Variants in TENM4 observed in about 807,000 individuals in gnomAD.
The protein encoded by TENM4 is teneurin-4.
A neutral mutation model predicts 243.3 loss-of-function variants in TENM4; 82 were observed. The observed-to-expected ratio is 0.34, with a 90% CI of 0.28 to 0.40. The LOEUF is 0.40. TENM4 is among the 10% of genes least tolerant of loss of function. The probability of loss-of-function intolerance (pLI) is 1.00; values close to 1 mark genes in which losing one functional copy is unlikely to be tolerated. For synonymous variants in TENM4, 1,412 were observed against 1,456.3 expected, an observed-to-expected ratio of 0.97 and a Z score of 0.69; for missense variants, 3,138 against 3,673.3, an observed-to-expected ratio of 0.85 and a Z score of 3.77.
intron 4 of TENM4, among the ~76,000 whole-genome samples, chr11:79,092,065 A>T (rs570301345): frequency 6.6e-6 from 1 of 151,890 alleles, no homozygotes; most frequent in Admixed American, 6.6e-5. Context: ...CAATTTGTCT[A>T]TTATTTAGGT....
chr11:79,242,375 G>GA (rs1217054039), intron 2 of TENM4, among the ~76,000 whole-genome samples: 1 of 151,230 alleles, frequency 6.6e-6, no homozygotes, highest in Non-Finnish European at 1.5e-5. Flanking sequence ...TCCAAATATA[G>GA]AAAAAAATAA....
chr11:78,981,804 G>C (rs1314201595), intron 6 of TENM4, among the ~76,000 whole-genome samples: 2 of 152,162 alleles, frequency 1.3e-5, no homozygotes, highest in African/African-American at 4.8e-5. Context: ...TGTAGACAGA[G>C]TCTTCATAAA....
intron 6 of TENM4, among the ~76,000 whole-genome samples, chr11:79,058,387 C>CA (rs981467795): frequency 4.0e-5 from 6 of 151,274 alleles, no homozygotes; most frequent in Non-Finnish European, 7.4e-5. Flanking sequence ...ACTAAAAATA[C>CA]AAAAAAAATT....
intron 2 of TENM4, among the ~76,000 whole-genome samples, chr11:79,230,756 T>C (rs1302908679): frequency 3.3e-5 from 5 of 152,192 alleles, no homozygotes; most frequent in African/African-American, 1.2e-4. Flanking sequence ...CCAATGACAA[T>C]GGAGACAGGC....
intron 4 of TENM4, among the ~76,000 whole-genome samples, chr11:79,106,759 G>A (rs1861379456): frequency 1.3e-5 from 2 of 152,256 alleles, no homozygotes; most frequent in Admixed American, 1.3e-4. Flanking sequence ...GATGGGACAA[G>A]AACTCATCTG....
chr11:78,858,053 GGATTT>G (rs534804708), intron 10 of TENM4, among the ~76,000 whole-genome samples: 297 of 152,316 alleles, frequency 1.9e-3, no homozygotes, highest in African/African-American at 6.7e-3. Context: ...TGAGCTGATG[GGATTT>G]GAGAATTGTC....
At chr11:79,430,153 T>C (rs897905823) in intron 1 of TENM4, among the ~76,000 whole-genome samples, 13 of 149,802 alleles carry the variant, frequency 8.7e-5, no homozygotes, top group South Asian at 2.1e-4. Context: ...GCTACTTTTT[T>C]AGTTAGGCAT....
chr11:79,055,622 GT>G (rs1459493019), intron 6 of TENM4, among the ~76,000 whole-genome samples: 1 of 152,188 alleles, frequency 6.6e-6, no homozygotes, highest in African/African-American at 2.4e-5. Context: ...TGAAAACACT[GT>G]CCTGCTCTTT....
intron 3 of TENM4, among the ~76,000 whole-genome samples, chr11:79,162,131 G>A (rs1862759499): frequency 6.6e-6 from 1 of 152,192 alleles, no homozygotes; most frequent in Non-Finnish European, 1.5e-5. Flanking sequence ...CGAAGTGTTA[G>A]CAAGACCCTG....
In TENM4 at chr11:79,167,600, A is replaced by G. The variant is rs368853421; in HGVS notation, c.-162-18794T>C. Among the ~76,000 whole-genome samples the G allele has an allele frequency of 6.6e-4, 101 of 152,308 alleles. 4 individuals are homozygous for G. In the South Asian group the frequency reaches 0.02, roughly 30 times the overall value. On this transcript the variant is annotated intron_variant, in intron 3 of 33. Coordinates refer to ENST00000278550, the MANE Select transcript of TENM4 (RefSeq NM_001098816.3). Reference sequence around the variant, plus strand: ...TGCCTCCTGGGTCTTGCTGCTGATCACCACATTCTCGTGTATTTAGAAAGG... The same window carrying G: ...TGCCTCCTGGGTCTTGCTGCTGATCGCCACATTCTCGTGTATTTAGAAAGG...
intron 6 of TENM4, among the ~76,000 whole-genome samples, chr11:79,002,316 C>T (rs1423011577): frequency 6.6e-6 from 1 of 152,234 alleles, no homozygotes; most frequent in Non-Finnish European, 1.5e-5. Context: ...CATGGGTACC[C>T]TGCCATGCTG....
At chr11:79,020,101 A>G (rs1444184287) in intron 6 of TENM4, among the ~76,000 whole-genome samples, 1 of 152,204 alleles carries the variant, frequency 6.6e-6, no homozygotes, top group Non-Finnish European at 1.5e-5. Context: ...TGTTAAATAG[A>G]ACAGATCAAC....
chr11:79,054,243 A>G (rs1214341100), intron 6 of TENM4, among the ~76,000 whole-genome samples: 1 of 152,152 alleles, frequency 6.6e-6, no homozygotes, highest in Non-Finnish European at 1.5e-5. Context: ...GGTTCTACAA[A>G]TTAGGGATTC....
intron 4 of TENM4, among the ~76,000 whole-genome samples, chr11:79,104,877 C>G (rs1861325791): frequency 6.6e-6 from 1 of 152,202 alleles, no homozygotes; most frequent in Admixed American, 6.5e-5. Flanking sequence ...ATCTCCATCC[C>G]TTGGGCAAAT....
At chr11:79,121,719 C>T (rs1192882350) in intron 4 of TENM4, among the ~76,000 whole-genome samples, 5 of 152,118 alleles carry the variant, frequency 3.3e-5, no homozygotes, top group Admixed American at 6.6e-5. Context: ...AGGAACCCAT[C>T]GTTTGCTGGA....
intron 6 of TENM4, among the ~76,000 whole-genome samples, chr11:79,044,519 C>T (rs1057365130): frequency 6.6e-6 from 1 of 152,180 alleles, no homozygotes; most frequent in Non-Finnish European, 1.5e-5. Flanking sequence ...GCTAATATGT[C>T]AGTAATACAT....
chr11:78,829,818 G>A (rs999438341), intron 12 of TENM4, among the ~76,000 whole-genome samples: 8 of 152,200 alleles, frequency 5.3e-5, no homozygotes, highest in African/African-American at 1.7e-4. Context: ...TCTAGTGGCT[G>A]TCCCCTAGCT....
intron 6 of TENM4, among the ~76,000 whole-genome samples, chr11:79,038,570 T>C (rs563339175): frequency 6.6e-6 from 1 of 152,322 alleles, no homozygotes; most frequent in East Asian, 1.9e-4. Flanking sequence ...CTTTGACTTT[T>C]TGTGAACAGG....
intron 2 of TENM4, among the ~76,000 whole-genome samples, chr11:79,254,858 G>C (rs1180570045): frequency 1.3e-5 from 2 of 152,170 alleles, no homozygotes; most frequent in African/African-American, 4.8e-5. Context: ...TTCTTCCCTG[G>C]GAATAATCAG....
Sources: gnomAD v4.1 joint callset for allele counts (sites outside exome capture counted in the v4.1 genomes callset) on GRCh38, gnomAD v4.1.1 for gene constraint, MANE v1.5 for transcripts, NCBI Gene and HGNC (gene_info 2026-07-23, HGNC 2026-07-21) for gene names.